SMIM36: variants seen among roughly 807,000 people sequenced by gnomAD.
SMIM36 encodes small integral membrane protein 36.
chr17:55,455,009 C>T (rs1908991001), intron 4 of SMIM36, among the ~76,000 whole-genome samples: 1 of 152,172 alleles, frequency 6.6e-6, no homozygotes, highest in Admixed American at 6.5e-5. Context: ...ACTATCTGTG[C>T]ACATTCATTA....
intron 1 of SMIM36, among the ~76,000 whole-genome samples, chr17:55,489,327 G>A (rs1220426018): frequency 1.3e-5 from 2 of 151,920 alleles, no homozygotes; most frequent in African/African-American, 4.8e-5. Context: ...GCAGTGAGCC[G>A]AGATCACTCC....
In SMIM36 at chr17:55,458,773, C is replaced by T. The variant is rs1478641342; in HGVS notation, c.*531+8372G>A. 2.0e-5 allele frequency among the ~76,000 whole-genome samples: 3 copies of T among 152,116 alleles called. No homozygotes were observed. The East Asian group carries it at 5.8e-4, about 29-fold the overall frequency. On this transcript the variant is annotated intron_variant, in intron 4 of 4. Transcript: ENST00000636752. ...GGGCAGTGGGAGGACAGCCGGGCTG[C>T]TGAGAGGCCCAACTGCAGGGGAAGA...
Position 55,500,830 on chromosome 17 carries a change from T to TATATATTATAATATATTATATTATA in SMIM36, c.*174+10024_*174+10048dup, listed in dbSNP as rs1448307650. 9.0e-4 allele frequency among the ~76,000 whole-genome samples: 16 copies of TATATATTATAATATATTATATTATA among 17,862 alleles called. 1 individual carries two copies. The highest frequency in any genetic ancestry group is 1.5e-3 in the Non-Finnish European group (15 of 10,090). 11.7% of individuals were successfully genotyped at this position (17,862 alleles called of 152,430 possible). ...TATTATAATATATTATATTTTATAATATATATTATAATATATTATATTATA... is the reference window on the plus strand; with the variant it reads ...TATTATAATATATTATATTTTATAATATATATTATAATATATTATATTATAATATATTATAATATATTATATTATA... On this transcript the variant is annotated intron_variant, in intron 1 of 4. Transcript: ENST00000636752.
In SMIM36 at chr17:55,498,057, C is replaced by T. The variant is rs574596197; in HGVS notation, c.*174+12822G>A. Among the ~76,000 whole-genome samples the T allele has an allele frequency of 9.9e-5, 15 of 152,244 alleles. No individual in the cohort carries two copies. In the South Asian group the frequency reaches 1.7e-3, roughly 17 times the overall value. ...GGCCATGTTCCTTTTGAAGGTACCA[C>T]GGAAGGATGTATTCCAAGCCTCTCT... On this transcript the variant is annotated intron_variant, in intron 1 of 4. Coordinates refer to ENST00000636752, the Ensembl canonical transcript of SMIM36.
the SMIM36 span, among the ~76,000 whole-genome samples, chr17:55,516,582 A>G: frequency 8.0e-6 from 1 of 124,714 alleles, no homozygotes; most frequent in African/African-American, 3.0e-5. Flanking sequence ...TTTTTTTGAG[A>G]CAGTCTCACT....
chr17:55,532,041 C>T, the SMIM36 span, among the ~76,000 whole-genome samples: 2 of 152,206 alleles, frequency 1.3e-5, no homozygotes, highest in Non-Finnish European at 2.9e-5. Flanking sequence ...TAAGATATTG[C>T]TATCGAAAAG....
At chr17:55,470,869 T>A (rs910062254) in intron 3 of SMIM36, among the ~76,000 whole-genome samples, 2 of 152,090 alleles carry the variant, frequency 1.3e-5, no homozygotes, top group African/African-American at 4.8e-5. Flanking sequence ...TAAAGCCTGT[T>A]ACCACTGGCC....
intron 1 of SMIM36, among the ~76,000 whole-genome samples, chr17:55,491,081 C>T (rs758753945): frequency 2.4e-4 from 36 of 151,656 alleles, no homozygotes; most frequent in Non-Finnish European, 4.0e-4. Flanking sequence ...ATAGTAAGAC[C>T]GCATCTCTAC....
chr17:55,531,194 C>T, the SMIM36 span, among the ~76,000 whole-genome samples: 37 of 152,162 alleles, frequency 2.4e-4, no homozygotes, highest in African/African-American at 8.7e-4. Flanking sequence ...CCCAACGCTG[C>T]CTGCCTTTCC....
the SMIM36 span, among the ~76,000 whole-genome samples, chr17:55,519,816 T>C: frequency 6.6e-6 from 1 of 152,208 alleles, no homozygotes; most frequent in Non-Finnish European, 1.5e-5. Flanking sequence ...AGGATTTTGA[T>C]GGAGAAAGGT....
the SMIM36 span, among the ~76,000 whole-genome samples, chr17:55,520,564 G>A: frequency 3.9e-5 from 6 of 152,190 alleles, no homozygotes; most frequent in Non-Finnish European, 7.3e-5. Context: ...TGGTCACTGA[G>A]TGACTAATGG....
chr17:55,455,709 C>A (rs2143228441), intron 4 of SMIM36, among the ~76,000 whole-genome samples: 1 of 152,166 alleles, frequency 6.6e-6, no homozygotes, highest in South Asian at 2.1e-4. Flanking sequence ...GGGAGGATTG[C>A]TTGAATTCGG....
chr17:55,478,038 A>C (rs1909455444), intron 3 of SMIM36, among the ~76,000 whole-genome samples: 1 of 152,078 alleles, frequency 6.6e-6, no homozygotes, highest in Non-Finnish European at 1.5e-5. Flanking sequence ...CTACAAAAAA[A>C]TACAAAAATT....
chr17:55,508,543 A>T (rs1910124377), intron 1 of SMIM36, among the ~76,000 whole-genome samples: 1 of 148,318 alleles, frequency 6.7e-6, no homozygotes, highest in Non-Finnish European at 1.5e-5. Flanking sequence ...TGGGAATATA[A>T]GTATATAATA....
intron 3 of SMIM36, among the ~76,000 whole-genome samples, chr17:55,468,967 C>T (rs1483957870): frequency 2.6e-5 from 4 of 152,086 alleles, no homozygotes; most frequent in Non-Finnish European, 4.4e-5. Flanking sequence ...AGGTGCCTGA[C>T]GTCCAGGCAT....
intron 1 of SMIM36, 42 bp downstream of exon 1, chr17:55,510,837 G>A: frequency 3.0e-6 from 1 of 336,910 alleles, no homozygotes; most frequent in Non-Finnish European, 5.3e-6. Flanking sequence ...CTGACAGTTT[G>A]CATTTGGAGA....
chr17:55,529,563 C>G, the SMIM36 span, among the ~76,000 whole-genome samples: 1 of 151,330 alleles, frequency 6.6e-6, no homozygotes, highest in Non-Finnish European at 1.5e-5. Context: ...GTCAGGAGAT[C>G]GAGACCATCC....
chr17:55,458,176 A>G (rs1449892234), intron 4 of SMIM36: 3 of 152,176 alleles, frequency 2.0e-5, no homozygotes, highest in Non-Finnish European at 4.4e-5. Flanking sequence ...TTCAGCAGTA[A>G]AACCAAGAAT....
intron 3 of SMIM36, chr17:55,467,920 A>G (rs1037388887): frequency 1.3e-5 from 2 of 152,058 alleles, no homozygotes; most frequent in African/African-American, 4.8e-5. Flanking sequence ...TAACTGATCA[A>G]TTGACCTTGT....
Sources: allele counts gnomAD v4.1 joint callset (sites outside exome capture counted in the v4.1 genomes callset), GRCh38; gene constraint gnomAD v4.1.1; transcripts MANE v1.5; gene names NCBI Gene and HGNC (gene_info 2026-07-23, HGNC 2026-07-21).